The following CDKAL1 variants were observed in gnomAD, a reference collection of about 807,000 sequenced individuals.
The protein encoded by CDKAL1 is CDKAL1 threonylcarbamoyladenosine tRNA methylthiotransferase.
A neutral mutation model predicts 68.2 loss-of-function variants in CDKAL1; 32 were observed. That is an observed-to-expected ratio of 0.47 (90% CI 0.35 to 0.63). The LOEUF (loss-of-function observed/expected upper bound fraction) is 0.63, where lower values mean the gene tolerates loss of function less well. Ranked by LOEUF, CDKAL1 falls within the 30% of genes least tolerant of loss-of-function variation. CDKAL1 has a pLI of 0.00. For synonymous variants in CDKAL1, 234 were observed against 244.3 expected (o/e 0.96, Z 0.39); for missense variants, 606 against 696.7 (o/e 0.87, Z 1.47).
At chr6:20,982,937 T>G (rs1459747901) in intron 10 of CDKAL1, among the ~76,000 whole-genome samples, 1 of 152,214 alleles carries the variant, frequency 6.6e-6, no homozygotes, top group Non-Finnish European at 1.5e-5. Flanking sequence ...TCATCTCTCT[T>G]TACATGCTAA....
At chr6:20,962,800 A>T (rs769507985) in intron 10 of CDKAL1, among the ~76,000 whole-genome samples, 1 of 152,212 alleles carries the variant, frequency 6.6e-6, no homozygotes, top group Non-Finnish European at 1.5e-5. Flanking sequence ...TTCAGCAAGG[A>T]AATGGAAAGG....
intron 9 of CDKAL1, among the ~76,000 whole-genome samples, chr6:20,902,205 A>G (rs943088021): frequency 6.6e-6 from 1 of 152,096 alleles, no homozygotes; most frequent in African/African-American, 2.4e-5. Context: ...TCTGATTTGC[A>G]TTTCCAAAGG....
At chr6:20,820,017 T>TA (rs1371136088) in intron 8 of CDKAL1, among the ~76,000 whole-genome samples, 1 of 152,108 alleles carries the variant, frequency 6.6e-6, no homozygotes, top group Non-Finnish European at 1.5e-5. Flanking sequence ...CCTATAGGCT[T>TA]AGGAAACCAC....
intron 6 of CDKAL1, among the ~76,000 whole-genome samples, chr6:20,748,228 C>G (rs750158479): frequency 2.6e-5 from 4 of 152,020 alleles, no homozygotes; most frequent in Admixed American, 1.3e-4. Flanking sequence ...GTGGTTTGTG[C>G]CTGTAATTGC....
chr6:21,138,429 G>C (rs758314219), intron 13 of CDKAL1, among the ~76,000 whole-genome samples: 3 of 152,214 alleles, frequency 2.0e-5, no homozygotes, highest in Non-Finnish European at 4.4e-5. Flanking sequence ...GAAAGAGTAA[G>C]TGCTTTGCAG....
intron 5 of CDKAL1, among the ~76,000 whole-genome samples, chr6:20,719,581 G>A (rs772490504): frequency 6.6e-5 from 10 of 151,952 alleles, no homozygotes; most frequent in Non-Finnish European, 1.2e-4. Flanking sequence ...TTGAGGGCTG[G>A]GAAATCTCAG....
Position 20,783,779 on chromosome 6 carries a change from T to A in CDKAL1, c.638+2514T>A, listed in dbSNP as rs767721643. ...GTAAGCTCCTTGGGGGCTGAATGTG[T>A]TTCAGTTGTCATTACATTATTATCT... On this transcript the variant is annotated intron_variant, in intron 8 of 15. Transcript: ENST00000274695. Among the ~76,000 whole-genome samples, 91 of 152,342 alleles carry A rather than the reference T, an allele frequency of 6.0e-4. 1 individual carries two copies. The highest frequency in any genetic ancestry group is 2.6e-4 in the Non-Finnish European group (18 of 68,032).
At chr6:20,557,011 C>G (rs1410895725) in intron 4 of CDKAL1, among the ~76,000 whole-genome samples, 2 of 145,964 alleles carry the variant, frequency 1.4e-5, no homozygotes, top group African/African-American at 5.0e-5. Flanking sequence ...GTACTCCAGC[C>G]TGGGCAACAG....
At chr6:21,003,371 T>TACACACACACACACACACAC (rs55839331) in intron 11 of CDKAL1, among the ~76,000 whole-genome samples, 6 of 49,300 alleles carry the variant, frequency 1.2e-4, no homozygotes, top group African/African-American at 6.5e-4. Context: ...TATATATATA[T>TACACACACACACACACACAC]ACACACACAC....
At chr6:21,036,954 G>C (rs536033518) in intron 11 of CDKAL1, among the ~76,000 whole-genome samples, 3 of 152,190 alleles carry the variant, frequency 2.0e-5, no homozygotes, top group African/African-American at 7.2e-5. Flanking sequence ...GAAAGGTAGC[G>C]AGAGGAGATT....
At chr6:20,972,434 T>G (rs1372764962) in intron 10 of CDKAL1, among the ~76,000 whole-genome samples, 2 of 152,234 alleles carry the variant, frequency 1.3e-5, no homozygotes, top group Non-Finnish European at 2.9e-5. Flanking sequence ...TTTTAGACAC[T>G]CAGTTTTATC....
At chr6:21,192,046 G>A (rs1778271087) in intron 13 of CDKAL1, among the ~76,000 whole-genome samples, 1 of 87,514 alleles carries the variant, frequency 1.1e-5, no homozygotes, top group Non-Finnish European at 2.0e-5. Context: ...ACGGAGTCTC[G>A]CTCTGTCGCC....
intron 5 of CDKAL1, among the ~76,000 whole-genome samples, chr6:20,656,681 C>T (rs1434282859): frequency 6.6e-6 from 1 of 152,002 alleles, no homozygotes; most frequent in Non-Finnish European, 1.5e-5. Flanking sequence ...AGTTTAAAAA[C>T]TCAAATATAA....
intron 7 of CDKAL1, among the ~76,000 whole-genome samples, chr6:20,763,920 A>T (rs954725974): frequency 6.6e-6 from 1 of 152,172 alleles, no homozygotes; most frequent in Admixed American, 6.5e-5. Flanking sequence ...ATTATAATGA[A>T]TTTAGGATTT....
intron 4 of CDKAL1, among the ~76,000 whole-genome samples, chr6:20,556,284 GA>G (rs947865251): frequency 1.3e-5 from 2 of 152,042 alleles, no homozygotes; most frequent in African/African-American, 4.8e-5. Flanking sequence ...AGAATAGCTT[GA>G]ACCTGGAGGG....
intron 7 of CDKAL1, among the ~76,000 whole-genome samples, chr6:20,762,819 C>T (rs891979288): frequency 3.3e-5 from 5 of 152,136 alleles, no homozygotes; most frequent in Admixed American, 3.3e-4. Context: ...GACTGCATAT[C>T]CTGCTATCAT....
intron 13 of CDKAL1, among the ~76,000 whole-genome samples, chr6:21,128,675 C>T (rs921289231): frequency 6.6e-6 from 1 of 152,126 alleles, no homozygotes; most frequent in African/African-American, 2.4e-5. Flanking sequence ...AAATCTGAGT[C>T]ACTGCCACAA....
intron 9 of CDKAL1, among the ~76,000 whole-genome samples, chr6:20,874,517 A>G (rs578054360): frequency 1.9e-4 from 28 of 150,178 alleles, no homozygotes; most frequent in Admixed American, 1.1e-3. Context: ...TTGTTTGTTT[A>G]TTTTTAAACT....
At chr6:20,955,314 C>T (rs1373057457) in intron 9 of CDKAL1, 105 bp from the exon 10 acceptor site, 1 of 1,163,948 alleles carries the variant, frequency 8.6e-7, no homozygotes, top group Admixed American at 2.0e-5. Flanking sequence ...CCCAGACTGC[C>T]TGAATAATAG....
Sources: allele counts gnomAD v4.1 joint callset (sites outside exome capture counted in the v4.1 genomes callset), GRCh38; gene constraint gnomAD v4.1.1; transcripts MANE v1.5; gene names NCBI Gene and HGNC (gene_info 2026-07-23, HGNC 2026-07-21).